Variants in TMEM161B observed in about 807,000 individuals in gnomAD.
TMEM161B encodes transmembrane protein 161B.
A neutral mutation model predicts 61.8 loss-of-function variants in TMEM161B; 34 were observed. The ratio of observed to expected loss-of-function variants is 0.55; its 90% CI spans 0.42 to 0.73. The LOEUF is 0.73. TMEM161B is among the 30% of genes least tolerant of loss of function. The pLI, the probability that TMEM161B is intolerant of heterozygous loss-of-function variation, is 0.00. For missense variants in TMEM161B, 456 were observed against 558.5 expected (o/e 0.82, Z 1.85); for synonymous variants, 167 against 192.8 (o/e 0.87, Z 1.11).
Position 88,205,828 on chromosome 5 carries a change from T to C in TMEM161B, c.786A>G (p.Thr262=), listed in dbSNP as rs1017496302. 9.9e-6 allele frequency: 16 copies of C among 1,612,340 alleles called. No homozygotes were observed. The highest frequency in any genetic ancestry group is 1.3e-5 in the Non-Finnish European group (15 of 1,179,256). The change falls in exon 8 of 12, where the codon ACA becomes ACG. Residue 262 remains threonine, a synonymous_variant. Transcript: ENST00000296595. The part of the protein sequence containing the change: ...QMHLDALNLA[T]EKITQTLLHI... ...TTTCCGCTTACTGTGTAATTTTTTCTGTTGCCAAATTCAGGGCATCCAGAT... is the reference window on the plus strand; with the variant it reads ...TTTCCGCTTACTGTGTAATTTTTTCCGTTGCCAAATTCAGGGCATCCAGAT...
chr5:88,241,013 G>GA, intron 1 of TMEM161B, 97 bp from the exon 2 acceptor site: 1 of 781,696 alleles, frequency 1.3e-6, no homozygotes, highest in Non-Finnish European at 1.9e-6. Context: ...TACATTTTAA[G>GA]AAAAATGAGT....
intron 1 of TMEM161B, among the ~76,000 whole-genome samples, chr5:88,260,104 T>C (rs778129928): frequency 5.3e-5 from 8 of 152,232 alleles, no homozygotes; most frequent in Non-Finnish European, 1.0e-4. Flanking sequence ...AAGTGGAATG[T>C]AGAATAATAC....
downstream of TMEM161B, among the ~76,000 whole-genome samples, chr5:88,185,887 T>C (rs1382712302): frequency 6.6e-6 from 1 of 152,220 alleles, no homozygotes; most frequent in Admixed American, 6.5e-5. Flanking sequence ...TGTATTGCTT[T>C]ACAAGTTAGC....
chr5:88,251,029 C>T (rs952864684), intron 1 of TMEM161B: 1 of 152,106 alleles, frequency 6.6e-6, no homozygotes, highest in African/African-American at 2.4e-5. Flanking sequence ...GAGTGAGAAG[C>T]GACTGATTTG....
At chr5:88,202,830 A>G (rs1481445151) in intron 9 of TMEM161B, 132 bp downstream of exon 9, 8 of 717,944 alleles carry the variant, frequency 1.1e-5, no homozygotes, top group Non-Finnish European at 2.0e-5. Flanking sequence ...TTTCTAACAC[A>G]TCTTTTAGCA....
Position 88,203,037 on chromosome 5 carries a change from A to G in TMEM161B, c.839T>C (p.Met280Thr). The G allele has an allele frequency of 1.9e-6, 3 of 1,609,956 alleles. No individual in the cohort carries two copies. The Middle Eastern group carries it at 5.0e-4, about 269-fold the overall frequency. ...LHINFLAPLF[M>T]VLLWVKPITK... ...GATTGGTTTTACCCAGAGCAGAACC[A>G]TAAATAAAGGTGCCAAGAAGTTGAT... is the stretch of plus-strand genomic sequence containing the variant. The change falls in exon 9 of 12, where the codon ATG becomes ACG. Residue 280 changes from methionine to threonine, a missense_variant. Physicochemically the swap from Met to Thr is moderately conservative, Grantham distance 81. Around this residue, in one of 3 missense-constraint regions of TMEM161B, gnomAD observed 367 missense variants for 427.3 expected, o/e 0.86. Transcript: ENST00000296595.
chr5:88,190,181 G>T (rs1412340559), downstream of TMEM161B: 3 of 700,934 alleles, frequency 4.3e-6, no homozygotes, highest in Non-Finnish European at 7.8e-6. Flanking sequence ...TCTCTGTGAA[G>T]TCTAGCTGGA....
chr5:88,213,013 T>C (rs1170724905), intron 5 of TMEM161B, among the ~76,000 whole-genome samples: 1 of 152,068 alleles, frequency 6.6e-6, no homozygotes, highest in East Asian at 1.9e-4. Flanking sequence ...ATAAACTGAG[T>C]TTTTCTATTC....
intron 5 of TMEM161B, among the ~76,000 whole-genome samples, chr5:88,216,728 T>A (rs995512742): frequency 3.3e-5 from 5 of 152,188 alleles, no homozygotes; most frequent in Admixed American, 6.5e-5. Context: ...TAAAAGATGG[T>A]GCCACAGTCT....
chr5:88,234,428 G>C (rs1411157480), intron 2 of TMEM161B, among the ~76,000 whole-genome samples: 1 of 152,196 alleles, frequency 6.6e-6, no homozygotes, highest in Non-Finnish European at 1.5e-5. Flanking sequence ...TAAGGTCTGT[G>C]ATCATAGATT....
intron 1 of TMEM161B, chr5:88,251,012 C>G (rs1754276196): frequency 6.6e-6 from 1 of 151,842 alleles, no homozygotes; most frequent in African/African-American, 2.4e-5. Flanking sequence ...CTGAGTGAGA[C>G]TGATTTGAGT....
rs762389627 is a variant in TMEM161B, at chr5:88,203,036, C to T, written c.840G>A (p.Met280Ile). 6.2e-7 allele frequency: 1 copy of T among 1,609,612 alleles called. No homozygotes were observed. Among genetic ancestry groups the T allele is most frequent in the Admixed American group, 1.7e-5 (1 of 59,826 alleles). Reference protein sequence around the residue: ...LHINFLAPLFMVLLWVKPITK... With the variant: ...LHINFLAPLFIVLLWVKPITK... ...TGATTGGTTTTACCCAGAGCAGAAC[C>T]ATAAATAAAGGTGCCAAGAAGTTGA... Residue 280 changes from methionine to isoleucine, a missense_variant, in exon 9 of 12, where the codon ATG (methionine) becomes ATA (isoleucine). By Grantham distance (10) the Met-to-Ile change is conservative. Around this residue, in one of 3 missense-constraint regions of TMEM161B, gnomAD observed 367 missense variants for 427.3 expected, o/e 0.86. Coordinates refer to ENST00000296595, the MANE Select transcript of TMEM161B (RefSeq NM_153354.5).
At chr5:88,189,157 T>C (rs180739053), downstream of TMEM161B, among the ~76,000 whole-genome samples, 7 of 152,292 alleles carry the variant, frequency 4.6e-5, no homozygotes, top group East Asian at 1.9e-4. Flanking sequence ...CTGGGCTGCA[T>C]ACCTTGTACT....
chr5:88,220,553 T>A lies in TMEM161B; in HGVS notation c.446+10A>T. 1 of 1,540,572 alleles carries A rather than the reference T, an allele frequency of 6.5e-7. No individual in the cohort carries two copies. The highest frequency in any genetic ancestry group is 8.7e-7 in the Non-Finnish European group (1 of 1,151,606). On this transcript the variant is annotated intron_variant, in intron 5 of 11. Coordinates refer to ENST00000296595, the MANE Select transcript of TMEM161B (RefSeq NM_153354.5). The stretch of plus-strand genomic sequence containing the variant: ...AAATAAATTAATATTAATGATGTTT[T>A]GAAGGATACATTGCAAAAGACAAAA...
At chr5:88,266,288 A>G (rs1443777464) in intron 1 of TMEM161B, among the ~76,000 whole-genome samples, 2 of 152,246 alleles carry the variant, frequency 1.3e-5, no homozygotes, top group East Asian at 3.8e-4. Flanking sequence ...CTGGAGCAGT[A>G]TTTAAGACAG....
intron 1 of TMEM161B, among the ~76,000 whole-genome samples, chr5:88,241,926 A>C (rs1262425605): frequency 6.6e-6 from 1 of 151,690 alleles, no homozygotes; most frequent in Non-Finnish European, 1.5e-5. Context: ...CTTTTCTTAG[A>C]CCCCAGAAAT....
intron 2 of TMEM161B, among the ~76,000 whole-genome samples, chr5:88,236,653 A>G (rs571384016): frequency 6.6e-6 from 1 of 152,294 alleles, no homozygotes; most frequent in East Asian, 1.9e-4. Context: ...AAGGAAAGAG[A>G]AAGAGACAGT....
chr5:88,189,820 T>C (rs1561284056), exon 13 of TMEM161B: 1 of 507,584 alleles, frequency 2.0e-6, no homozygotes, highest in Non-Finnish European at 3.5e-6. Context: ...AATAATACCA[T>C]AGGGAGAGCC....
Position 88,240,909 on chromosome 5 carries a change from A to T in TMEM161B, c.11T>A (p.Ile4Lys). The T allele has an allele frequency of 6.4e-7, 1 of 1,560,088 alleles. No homozygotes were observed. Among genetic ancestry groups the T allele is most frequent in the Non-Finnish European group, 8.7e-7 (1 of 1,153,268 alleles). Reference sequence around the variant, plus strand: ...CATGGTAACAACCAGCTGTATACCTATCACACCCTGTGTAAAAAAAACAAA... The same window carrying T: ...CATGGTAACAACCAGCTGTATACCTTTCACACCCTGTGTAAAAAAAACAAA... MGV[I>K]GIQLVVTMVM... is the part of the protein sequence containing the mutation. The change falls in exon 2 of 12, where the codon ATA becomes AAA. Residue 4 changes from isoleucine to lysine, a missense_variant. Transcript: ENST00000296595.
Sources: gnomAD v4.1 joint callset for allele counts (sites outside exome capture counted in the v4.1 genomes callset) on GRCh38, gnomAD v4.1.1 for gene constraint, gnomAD v4.1.1 regional missense constraint, MANE v1.5 for transcripts, NCBI Gene and HGNC (gene_info 2026-07-23, HGNC 2026-07-21) for gene names.